POLK: variants seen among roughly 807,000 people sequenced by gnomAD.
POLK encodes DNA polymerase kappa, also known as polymerase (DNA directed) kappa.
POLK carries 76 observed loss-of-function variants against 94.0 expected under a neutral mutation model. The ratio of observed to expected loss-of-function variants is 0.81; its 90% CI spans 0.67 to 0.98. POLK has a LOEUF of 0.98. Ranked by LOEUF, POLK falls within the 50% of genes least tolerant of loss-of-function variation. POLK has a pLI of 0.00. For synonymous variants in POLK, 349 were observed against 325.4 expected (o/e 1.07, Z -0.78); for missense variants, 954 against 1,010.1 (o/e 0.94, Z 0.75).
At chr5:75,541,384 A>G (rs1769734668) in intron 1 of POLK, among the ~76,000 whole-genome samples, 1 of 152,192 alleles carries the variant, frequency 6.6e-6, no homozygotes, top group South Asian at 2.1e-4. Flanking sequence ...TGTTTATATC[A>G]GAATATTATT....
rs764786933 is a variant in POLK, at chr5:75,597,728, G to C, written c.2486-19G>C. 1.4e-6 allele frequency: 2 copies of C among 1,394,570 alleles called. 1 individual carries two copies. The highest frequency in any genetic ancestry group is 3.1e-5 in the South Asian group (2 of 65,398). 86.4% of individuals were successfully genotyped at this position (1,394,570 alleles called of 1,614,324 possible). ...CATATTATTCATTATGGAATTTCTT[G>C]ACTTTCTTTCCTCTAAAGGTAGCTC... On this transcript the variant is annotated intron_variant, in intron 13 of 14. Coordinates refer to ENST00000241436, the Ensembl canonical transcript of POLK.
At chr5:75,583,350 G>A (rs765577060) in exon 8 of POLK, 1 of 1,604,336 alleles carries the variant, frequency 6.2e-7, no homozygotes, top group Non-Finnish European at 8.5e-7. Context: ...AAACCAAATG[G>A]ACAATACCAA....
chr5:75,515,453 A>G lies in POLK; in HGVS notation c.-14+3539A>G, dbSNP rs560011221. 1.2e-4 allele frequency among the ~76,000 whole-genome samples: 18 copies of G among 152,174 alleles called. No individual in the cohort carries two copies. The East Asian group carries it at 1.7e-3, about 15-fold the overall frequency. On this transcript the variant is annotated intron_variant, in intron 1 of 14. Coordinates refer to ENST00000241436, the Ensembl canonical transcript of POLK. Reference sequence around the variant, plus strand: ...GATGTGAGCCAACATGCCAGGCCCAATATTCTTTTTTTATGGCTAAATTCC... The same window carrying G: ...GATGTGAGCCAACATGCCAGGCCCAGTATTCTTTTTTTATGGCTAAATTCC...
exon 11 of POLK, chr5:75,590,380 C>T (rs1264504479): frequency 2.5e-6 from 4 of 1,607,744 alleles, no homozygotes; most frequent in Non-Finnish European, 3.4e-6. Context: ...AAGAGCAATA[C>T]AGCCTATGTC....
upstream of POLK, among the ~76,000 whole-genome samples, chr5:75,510,923 C>A (rs1292862258): frequency 1.3e-5 from 2 of 152,144 alleles, no homozygotes; most frequent in East Asian, 1.9e-4. Flanking sequence ...TCGGCTGCCC[C>A]CGACGAGCCC....
intron 1 of POLK, among the ~76,000 whole-genome samples, chr5:75,518,000 A>G (rs1768398150): frequency 6.6e-6 from 1 of 152,116 alleles, no homozygotes; most frequent in Non-Finnish European, 1.5e-5. Flanking sequence ...CTTGATCATG[A>G]TGAAGGATCT....
At chr5:75,530,245 CTTTTT>C (rs575507126) in intron 1 of POLK, among the ~76,000 whole-genome samples, 13 of 95,934 alleles carry the variant, frequency 1.4e-4, no homozygotes, top group African/African-American at 4.3e-4. Flanking sequence ...ATTTGTATTT[CTTTTT>C]TTTTTTTTTT....
upstream of POLK, chr5:75,510,963 C>G (rs1365751818): frequency 8.8e-7 from 1 of 1,135,576 alleles, no homozygotes; most frequent in African/African-American, 1.6e-5. Flanking sequence ...CCCCTATATC[C>G]CCGCCTCATC....
chr5:75,523,356 C>G (rs748702942), intron 1 of POLK, among the ~76,000 whole-genome samples: 2 of 152,176 alleles, frequency 1.3e-5, no homozygotes, highest in Non-Finnish European at 2.9e-5. Flanking sequence ...CTGTAGAAAT[C>G]AGTTCATAGT....
intron 1 of POLK, among the ~76,000 whole-genome samples, chr5:75,543,815 T>TA (rs940583016): frequency 6.6e-6 from 1 of 152,072 alleles, no homozygotes; most frequent in Non-Finnish European, 1.5e-5. Context: ...AACCAACTCT[T>TA]AGAGTTTTTT....
At chr5:75,511,804 G>C (rs1369670653) in exon 1 of POLK, 7 of 1,551,532 alleles carry the variant, frequency 4.5e-6, no homozygotes, top group Non-Finnish European at 6.1e-6. Flanking sequence ...AGGAGGAGCG[G>C]AGAAAGGAGA....
chr5:75,521,019 T>C (rs1768553421), intron 1 of POLK, among the ~76,000 whole-genome samples: 2 of 152,312 alleles, frequency 1.3e-5, no homozygotes, highest in Non-Finnish European at 2.9e-5. Context: ...TTATTTGCTT[T>C]TTTTTAACTT....
exon 15 of POLK, chr5:75,598,028 A>T: frequency 1.0e-6 from 1 of 1,004,612 alleles, no homozygotes; most frequent in Non-Finnish European, 1.5e-6. Flanking sequence ...AACATTGAAC[A>T]TTTTATCATT....
chr5:75,597,123 A>C (rs747957092), exon 13 of POLK: 2 of 1,611,944 alleles, frequency 1.2e-6, no homozygotes, highest in Non-Finnish European at 1.7e-6. Context: ...TCCAAGAATT[A>C]AGAAAGGATA....
upstream of POLK, chr5:75,511,286 AGGGTCG>A: frequency 6.3e-7 from 1 of 1,575,492 alleles, no homozygotes; most frequent in Non-Finnish European, 8.6e-7. Context: ...CTCGGGGTGA[AGGGTCG>A]GGGGATGGCG....
rs555956427 is a variant in POLK, at chr5:75,550,320, T to C, written c.136-2152T>C. Among the ~76,000 whole-genome samples the C allele has an allele frequency of 3.3e-5, 5 of 152,350 alleles. No individual in the cohort carries two copies. In the South Asian group the frequency reaches 6.2e-4, roughly 19 times the overall value. On this transcript the variant is annotated intron_variant, in intron 2 of 14. Coordinates refer to ENST00000241436, the Ensembl canonical transcript of POLK. Reference sequence around the variant, plus strand: ...TCTAAAAATCGGCCAAGCTCATGCCTATGACCCCAGCACTTTGGGAGGCTG... The same window carrying C: ...TCTAAAAATCGGCCAAGCTCATGCCCATGACCCCAGCACTTTGGGAGGCTG...
intron 3 of POLK, among the ~76,000 whole-genome samples, chr5:75,565,919 A>C (rs1472283789): frequency 6.6e-6 from 1 of 152,238 alleles, no homozygotes; most frequent in Non-Finnish European, 1.5e-5. Flanking sequence ...TGCTCTCTTC[A>C]GAGCCAGCAG....
intron 1 of POLK, among the ~76,000 whole-genome samples, chr5:75,538,919 T>C (rs1769594706): frequency 6.6e-6 from 1 of 152,144 alleles, no homozygotes; most frequent in South Asian, 2.1e-4. Flanking sequence ...TACAGGCATG[T>C]GCCACCATGC....
chr5:75,559,973 A>G (rs1262417195), intron 3 of POLK, among the ~76,000 whole-genome samples: 2 of 152,258 alleles, frequency 1.3e-5, no homozygotes, highest in Non-Finnish European at 2.9e-5. Flanking sequence ...AAAGAAAATA[A>G]GACATAATAT....
Sources: allele counts gnomAD v4.1 joint callset (sites outside exome capture counted in the v4.1 genomes callset), GRCh38; gene constraint gnomAD v4.1.1; transcripts MANE v1.5; gene names NCBI Gene and HGNC (gene_info 2026-07-23, HGNC 2026-07-21).